The following MET variants were observed in gnomAD, a reference collection of about 807,000 sequenced individuals.
The protein encoded by MET is hepatocyte growth factor receptor.
Under a neutral mutation model 133.1 loss-of-function variants are expected in MET, and 48 were observed. The observed-to-expected ratio is 0.36, with a 90% CI of 0.29 to 0.46. The LOEUF is 0.46. Among genes scored for constraint, MET ranks in the 20% least tolerant of loss-of-function variants. MET has a pLI of 1.00. For missense variants in MET, 1,442 were observed against 1,695.9 expected, an observed-to-expected ratio of 0.85 and a Z score of 2.63; for synonymous variants, 628 against 616.5, an observed-to-expected ratio of 1.02 and a Z score of -0.28.
intron 2 of MET, among the ~76,000 whole-genome samples, chr7:116,710,511 A>G (rs963793863): frequency 6.6e-6 from 1 of 152,180 alleles, no homozygotes; most frequent in Non-Finnish European, 1.5e-5. Flanking sequence ...TACATTTTTT[A>G]GGCTGAGTAG....
In MET at chr7:116,700,185, C is replaced by A. The variant is rs747940150; in HGVS notation, c.1101C>A (p.Ile367=). ...MDRSAMCAFP[I]KYVNDFFNKI... ...GATCTGCCATGTGTGCATTCCCTATCAAATATGTCAACGACTTCTTCAACA... is the reference window on the plus strand; with the variant it reads ...GATCTGCCATGTGTGCATTCCCTATAAAATATGTCAACGACTTCTTCAACA... Residue 367 remains isoleucine (I), a synonymous_variant, in exon 2 of 21, where the codon ATC becomes ATA. Coordinates refer to ENST00000397752, the MANE Select transcript of MET (RefSeq NM_000245.4). 13 of 1,592,596 alleles carry A rather than the reference C, an allele frequency of 8.2e-6. No homozygotes were observed. In the Admixed American group the frequency reaches 1.4e-4, roughly 18 times the overall value.
At chr7:116,744,799 G>A (rs893540344) in intron 5 of MET, among the ~76,000 whole-genome samples, 1 of 152,058 alleles carries the variant, frequency 6.6e-6, no homozygotes, top group Non-Finnish European at 1.5e-5. Context: ...AGAAAAGTCG[G>A]GTTACCCACA....
chr7:116,740,808 C>T, intron 4 of MET, 44 bp from the exon 5 acceptor site: 2 of 1,608,520 alleles, frequency 1.2e-6, no homozygotes, highest in Non-Finnish European at 1.7e-6. Context: ...AATTAACAAA[C>T]TAGATACCCC....
chr7:116,736,925 G>A (rs952907639), intron 3 of MET, among the ~76,000 whole-genome samples: 2 of 152,186 alleles, frequency 1.3e-5, no homozygotes, highest in Non-Finnish European at 2.9e-5. Flanking sequence ...ACAACCAAAA[G>A]GAACTCCTAA....
chr7:116,790,619 T>C (rs1795457569), intron 19 of MET, among the ~76,000 whole-genome samples: 1 of 152,228 alleles, frequency 6.6e-6, no homozygotes, highest in South Asian at 2.1e-4. Flanking sequence ...TTCTTTTGTA[T>C]ATACACACAG....
At position 116,775,088 on chromosome 7, in the gene MET, A is replaced by G. The variant is rs758292223; in HGVS notation, c.3236A>G (p.His1079Arg). The part of the protein sequence containing the change: ...VVIGPSSLIV[H>R]FNEVIGRGHF... The stretch of plus-strand genomic sequence containing the variant: ...ATTGGGCCCAGTAGCCTGATTGTGC[A>G]TTTCAATGAAGTCATAGGAAGAGGT... Residue 1079 changes from histidine to arginine, a missense_variant, in exon 15 of 21, where the codon CAT (histidine) becomes CGT (arginine). Transcript: ENST00000397752. 101 of 1,614,082 alleles carry G rather than the reference A, an allele frequency of 6.3e-5. No homozygotes were observed. The highest frequency in any genetic ancestry group is 8.3e-5 in the Non-Finnish European group (98 of 1,180,020).
At chr7:116,763,401 C>G (rs1241357107) in intron 11 of MET, 133 bp downstream of exon 11, 1 of 835,702 alleles carries the variant, frequency 1.2e-6, no homozygotes, top group African/African-American at 1.7e-5. Flanking sequence ...CTCTGAAAAA[C>G]AAATCTTTTT....
intron 1 of MET, among the ~76,000 whole-genome samples, chr7:116,696,938 G>T (rs889765925): frequency 6.6e-6 from 1 of 152,092 alleles, no homozygotes; most frequent in African/African-American, 2.4e-5. Context: ...TCTCATTTCC[G>T]CCTCTGTTCT....
chr7:116,705,905 G>A (rs79654553), intron 2 of MET, among the ~76,000 whole-genome samples: 3,949 of 151,824 alleles, frequency 0.026, 73 homozygotes, highest in Middle Eastern at 0.068. Flanking sequence ...ATTTTGTAAC[G>A]CCCCCTGAGA....
chr7:116,769,889 T>A, intron 12 of MET, 98 bp downstream of exon 12: 2 of 1,559,946 alleles, frequency 1.3e-6, no homozygotes, highest in Non-Finnish European at 1.8e-6. Flanking sequence ...CATTTATGTG[T>A]GGGTTTTGGC....
chr7:116,783,300 G>A lies in MET; in HGVS notation c.3633-4G>A, dbSNP rs1477354447. 2 of 1,613,924 alleles carry A rather than the reference G, an allele frequency of 1.2e-6. No homozygotes were observed. The highest frequency in any genetic ancestry group is 2.2e-5 in the East Asian group (1 of 44,880). On this transcript the variant is annotated splice_region_variant and splice_polypyrimidine_tract_variant and intron_variant, in intron 18 of 20. Coordinates refer to ENST00000397752, the MANE Select transcript of MET (RefSeq NM_000245.4). Reference sequence around the variant, plus strand: ...ACGGGTAATAATTTTTGTCCTTTCTGTAGGCTGGATGAAAAATTCACAGTC... The same window carrying A: ...ACGGGTAATAATTTTTGTCCTTTCTATAGGCTGGATGAAAAATTCACAGTC...
intron 17 of MET, among the ~76,000 whole-genome samples, chr7:116,781,187 A>G (rs1456968649): frequency 6.6e-6 from 1 of 152,072 alleles, no homozygotes; most frequent in Non-Finnish European, 1.5e-5. Flanking sequence ...ACCCTGCCTT[A>G]CCAGTTTCTT....
chr7:116,728,928 G>T (rs529446580), intron 2 of MET, among the ~76,000 whole-genome samples: 1 of 152,260 alleles, frequency 6.6e-6, no homozygotes, highest in Admixed American at 6.5e-5. Flanking sequence ...TAGAGATGAA[G>T]AAACACTAAC....
At chr7:116,756,359 A>T (rs1037502939) in intron 6 of MET, among the ~76,000 whole-genome samples, 7 of 152,222 alleles carry the variant, frequency 4.6e-5, no homozygotes, top group African/African-American at 1.4e-4. Flanking sequence ...CCATTCTATC[A>T]GGTGGTTATT....
chr7:116,718,344 C>T (rs1204914840), intron 2 of MET, among the ~76,000 whole-genome samples: 5 of 151,996 alleles, frequency 3.3e-5, no homozygotes, highest in East Asian at 1.9e-4. Flanking sequence ...GCCGAGATCA[C>T]GCCACTGCAC....
intron 11 of MET, among the ~76,000 whole-genome samples, chr7:116,768,381 C>T (rs1411794757): frequency 6.6e-6 from 1 of 152,146 alleles, no homozygotes; most frequent in Non-Finnish European, 1.5e-5. Flanking sequence ...CAGACCTAGC[C>T]AACAAGTTGT....
rs146977613 is a variant in MET at position 116,727,248 on chromosome 7, T to A, written c.1201-4420T>A. Among the ~76,000 whole-genome samples the A allele has an allele frequency of 6.4e-3, 979 of 152,232 alleles. 5 individuals carry two copies. Among genetic ancestry groups the A allele is most frequent in the Non-Finnish European group, 9.9e-3 (673 of 67,998 alleles). On this transcript the variant is annotated intron_variant, in intron 2 of 20. Coordinates refer to ENST00000397752, the MANE Select transcript of MET (RefSeq NM_000245.4). ...GCAATCCTCAGAACGTTGCCCAGAATAGTAAGCAGAAGCAAAAGAAATTCA... is the reference window on the plus strand; with the variant it reads ...GCAATCCTCAGAACGTTGCCCAGAAAAGTAAGCAGAAGCAAAAGAAATTCA...
rs1392358198 is a variant in MET, at chr7:116,720,368, G to T, written c.1201-11300G>T. ...GAGACTTTGCTGAAGTTGCTTATCAGCTTAAGGAGATTTTGGGCTGAGACA... is the reference window on the plus strand; with the variant it reads ...GAGACTTTGCTGAAGTTGCTTATCATCTTAAGGAGATTTTGGGCTGAGACA... On this transcript the variant is annotated intron_variant, in intron 2 of 20. Transcript: ENST00000397752. 2.1e-5 allele frequency among the ~76,000 whole-genome samples: 3 copies of T among 143,534 alleles called. No individual in the cohort carries two copies. The East Asian group carries it at 6.0e-4, about 29-fold the overall frequency. The allele number at this position is 143,534 out of a possible 152,430, so 94.2% of individuals were successfully genotyped here.
chr7:116,694,530 C>T (rs1211316338), intron 1 of MET, among the ~76,000 whole-genome samples: 1 of 151,990 alleles, frequency 6.6e-6, no homozygotes, highest in Non-Finnish European at 1.5e-5. Flanking sequence ...TTTTCCATTT[C>T]ATCAAATGAA....
Sources: gnomAD v4.1 joint callset for allele counts (sites outside exome capture counted in the v4.1 genomes callset) on GRCh38, gnomAD v4.1.1 for gene constraint, MANE v1.5 for transcripts, NCBI Gene and HGNC (gene_info 2026-07-23, HGNC 2026-07-21) for gene names.